The following KCNQ1 variants were observed in gnomAD, a reference collection of about 807,000 sequenced individuals.
The protein encoded by KCNQ1 is potassium voltage-gated channel subfamily Q member 1.
Under a neutral mutation model 72.4 loss-of-function variants are expected in KCNQ1, and 49 were observed. That is an observed-to-expected ratio of 0.68 (90% CI 0.54 to 0.86). The LOEUF is 0.86. Ranked by LOEUF, KCNQ1 falls within the 40% of genes least tolerant of loss-of-function variation. The probability of loss-of-function intolerance (pLI) is 0.00; values close to 1 mark genes in which losing one functional copy is unlikely to be tolerated. For missense variants in KCNQ1, 790 were observed against 945.1 expected, an observed-to-expected ratio of 0.84 and a Z score of 2.15; for synonymous variants, 450 against 412.6, an observed-to-expected ratio of 1.09 and a Z score of -1.10.
Position 2,478,678 on chromosome 11 carries a change from G to A in KCNQ1, c.386+33194G>A, listed in dbSNP as rs1846609466. Reference sequence around the variant, plus strand: ...CAATTCACGATGAGATTTGGGTGGGGACACAGCCAAACCATATCATTCCAC... The same window carrying A: ...CAATTCACGATGAGATTTGGGTGGGAACACAGCCAAACCATATCATTCCAC... On this transcript the variant is annotated intron_variant, in intron 1 of 15. Transcript: ENST00000155840. The surrounding 1 kb of genome is among the most constrained non-coding windows in gnomAD (Gnocchi z 4.0). Among the ~76,000 whole-genome samples the A allele has an allele frequency of 6.6e-6, 1 of 152,106 alleles. No individual in the cohort carries two copies. Among genetic ancestry groups the A allele is most frequent in the African/African-American group, 2.4e-5 (1 of 41,404 alleles).
intron 11 of KCNQ1, chr11:2,680,877 A>G (rs1850385133): frequency 2.5e-6 from 1 of 398,394 alleles, no homozygotes; most frequent in African/African-American, 2.1e-5. Flanking sequence ...AGATTCACCC[A>G]GGTTATTGTG....
intron 2 of KCNQ1, among the ~76,000 whole-genome samples, chr11:2,556,494 A>C (rs747560456): frequency 4.6e-5 from 7 of 152,152 alleles, no homozygotes; most frequent in African/African-American, 9.7e-5. Flanking sequence ...GCTTGTGAAC[A>C]TCTCATCTCT....
intron 15 of KCNQ1, among the ~76,000 whole-genome samples, chr11:2,820,598 C>T (rs1376374781): frequency 6.6e-6 from 1 of 150,738 alleles, no homozygotes; most frequent in Admixed American, 6.7e-5. Context: ...TTGTTAGTTT[C>T]ACCCACTGTG....
Position 2,567,504 on chromosome 11 carries a change from G to T in KCNQ1, c.478-3124G>T, listed in dbSNP as rs560807951. 6.6e-6 allele frequency among the ~76,000 whole-genome samples: 1 copy of T among 152,208 alleles called. No homozygotes were observed. Among genetic ancestry groups the T allele is most frequent in the Admixed American group, 6.5e-5 (1 of 15,288 alleles). On this transcript the variant is annotated intron_variant, in intron 2 of 15. Coordinates refer to ENST00000155840, the MANE Select transcript of KCNQ1 (RefSeq NM_000218.3). This position sits in a 1 kb window ranked among gnomAD's most constrained non-coding sequence, Gnocchi z 6.6. ...TCTTGCTGTGGCCTTGGCCCTGGGTGTTGTCCCACACAGCCCAGGAGAGCG... is the reference window on the plus strand; with the variant it reads ...TCTTGCTGTGGCCTTGGCCCTGGGTTTTGTCCCACACAGCCCAGGAGAGCG...
chr11:2,470,993 G>A (rs1846443070), intron 1 of KCNQ1, among the ~76,000 whole-genome samples: 1 of 152,050 alleles, frequency 6.6e-6, no homozygotes, highest in Non-Finnish European at 1.5e-5. Flanking sequence ...TATTCCTTTT[G>A]AGTTAATGTC....
intron 11 of KCNQ1, chr11:2,680,858 A>G (rs1225515408): frequency 2.5e-6 from 1 of 398,424 alleles, no homozygotes; most frequent in Non-Finnish European, 4.4e-6. Flanking sequence ...ACTCAGCACA[A>G]TTCCCTGAAG....
At chr11:2,646,019 C>T (rs934566712) in intron 10 of KCNQ1, 11 of 398,514 alleles carry the variant, frequency 2.8e-5, no homozygotes, top group African/African-American at 2.3e-4. Context: ...TAGGGGCTCA[C>T]TTACTTACCT....
chr11:2,814,831 C>T (rs937179413), intron 15 of KCNQ1, among the ~76,000 whole-genome samples: 1 of 152,206 alleles, frequency 6.6e-6, no homozygotes, highest in African/African-American at 2.4e-5. Context: ...TGCTGTCCTA[C>T]CAAGGCCTAG....
chr11:2,610,944 T>A (rs72850206), intron 10 of KCNQ1: 26,551 of 398,370 alleles, frequency 0.067, 1,030 homozygotes, highest in South Asian at 0.12. Context: ...GAATAATTGA[T>A]AGAACAACAA....
chr11:2,669,443 C>A lies in KCNQ1; in HGVS notation c.1514+7362C>A. On this transcript the variant is annotated intron_variant, in intron 11 of 15. Coordinates refer to ENST00000155840, the MANE Select transcript of KCNQ1 (RefSeq NM_000218.3). The surrounding 1 kb of genome is among the most constrained non-coding windows in gnomAD (Gnocchi z 5.6). Reference sequence around the variant, plus strand: ...TTTAGGTTGACTTTCATATCTTTTACCTTGCCCTGTAGTTTTCAGTGTGGT... The same window carrying A: ...TTTAGGTTGACTTTCATATCTTTTAACTTGCCCTGTAGTTTTCAGTGTGGT... 2.5e-6 allele frequency: 1 copy of A among 398,626 alleles called. No individual in the cohort carries two copies. The highest frequency in any genetic ancestry group is 4.4e-6 in the Non-Finnish European group (1 of 226,074). 24.7% of individuals were successfully genotyped at this position (398,626 alleles called of 1,614,324 possible).
Position 2,565,376 on chromosome 11 carries a change from A to T in KCNQ1, c.478-5252A>T, listed in dbSNP as rs949056053. Among the ~76,000 whole-genome samples, 10 of 152,114 alleles carry T rather than the reference A, an allele frequency of 6.6e-5. No individual in the cohort carries two copies. The highest frequency in any genetic ancestry group is 2.0e-4 in the Admixed American group (3 of 15,280). ...TTGCATTTCCCTGATGATTAGTGAC[A>T]CTGGGCACCTCTCCGTGTGCCTCTT... On this transcript the variant is annotated intron_variant, in intron 2 of 15. Coordinates refer to ENST00000155840, the MANE Select transcript of KCNQ1 (RefSeq NM_000218.3). The surrounding 1 kb of genome is among the most constrained non-coding windows in gnomAD (Gnocchi z 5.6).
chr11:2,610,964 TCAA>T (rs1362980414), intron 10 of KCNQ1: 9 of 398,182 alleles, frequency 2.3e-5, no homozygotes, highest in Admixed American at 4.4e-5. Flanking sequence ...AGACAGAAAA[TCAA>T]CAAGAGTTAG....
Position 2,737,345 on chromosome 11 carries a change from A to C in KCNQ1, c.1515-31499A>C, listed in dbSNP as rs1039306963. 2.4e-4 allele frequency among the ~76,000 whole-genome samples: 37 copies of C among 152,198 alleles called. 1 individual carries two copies. The highest frequency in any genetic ancestry group is 7.4e-5 in the Non-Finnish European group (5 of 68,026). On this transcript the variant is annotated intron_variant, in intron 11 of 15. Coordinates refer to ENST00000155840, the MANE Select transcript of KCNQ1 (RefSeq NM_000218.3). ...CACTGCCCAGCCACCTCTCTGTCCC[A>C]GGAAGCTGCTCTCCTGGGGCATGTG... is the stretch of plus-strand genomic sequence containing the variant.
chr11:2,460,860 G>T (rs1307471385), intron 1 of KCNQ1, among the ~76,000 whole-genome samples: 1 of 152,214 alleles, frequency 6.6e-6, no homozygotes. Context: ...CCCAGGCTGG[G>T]GCGTGACTGC....
chr11:2,471,701 T>C lies in KCNQ1; in HGVS notation c.386+26217T>C, dbSNP rs537400617. 5.9e-5 allele frequency among the ~76,000 whole-genome samples: 9 copies of C among 151,514 alleles called. No homozygotes were observed. In the East Asian group the frequency reaches 7.8e-4, roughly 13 times the overall value. On this transcript the variant is annotated intron_variant, in intron 1 of 15. Coordinates refer to ENST00000155840, the MANE Select transcript of KCNQ1 (RefSeq NM_000218.3). The surrounding 1 kb of genome is among the most constrained non-coding windows in gnomAD (Gnocchi z 4.8). ...ACATGTGTATGGGTGTGCATGTGTG[T>C]ATAGGTGTGTGTATGTGTGCATGGG...
intron 2 of KCNQ1, among the ~76,000 whole-genome samples, chr11:2,561,375 G>A (rs894814108): frequency 6.6e-6 from 1 of 152,172 alleles, no homozygotes; most frequent in Non-Finnish European, 1.5e-5. Flanking sequence ...TGCAGCATGA[G>A]AGTCTGTACC....
At chr11:2,453,940 T>G (rs1846148613) in intron 1 of KCNQ1, among the ~76,000 whole-genome samples, 1 of 152,204 alleles carries the variant, frequency 6.6e-6, no homozygotes, top group African/African-American at 2.4e-5. Flanking sequence ...CAGGATTTAT[T>G]TAATTATTTT....
At chr11:2,788,475 A>G (rs2134004822) in intron 15 of KCNQ1, among the ~76,000 whole-genome samples, 1 of 152,224 alleles carries the variant, frequency 6.6e-6, no homozygotes, top group South Asian at 2.1e-4. Flanking sequence ...TGCATCAGAA[A>G]GTTAGGCAGC....
chr11:2,679,699 A>G lies in KCNQ1; in HGVS notation c.1514+17618A>G, dbSNP rs1850355530. 1 of 398,420 alleles carries G rather than the reference A, an allele frequency of 2.5e-6. No individual in the cohort carries two copies. Among genetic ancestry groups the G allele is most frequent in the Admixed American group, 4.4e-5 (1 of 22,710 alleles). The allele number at this position is 398,420 out of a possible 1,614,324, so 24.7% of individuals were successfully genotyped here. A position where few individuals can be genotyped will look rare whatever the true frequency, so the allele number is the denominator to read the frequency against. ...GGATCCCAGATTAGATTTTTTTTAAATCAGCCGTTCTCTGTATTCTTGTCC... is the reference window on the plus strand; with the variant it reads ...GGATCCCAGATTAGATTTTTTTTAAGTCAGCCGTTCTCTGTATTCTTGTCC... On this transcript the variant is annotated intron_variant, in intron 11 of 15. Coordinates refer to ENST00000155840, the MANE Select transcript of KCNQ1 (RefSeq NM_000218.3). The surrounding 1 kb of genome is among the most constrained non-coding windows in gnomAD (Gnocchi z 4.8).
Sources: allele counts gnomAD v4.1 joint callset (sites outside exome capture counted in the v4.1 genomes callset), GRCh38; gene constraint gnomAD v4.1.1; non-coding constraint Gnocchi (gnomAD v3.1); transcripts MANE v1.5; gene names NCBI Gene and HGNC (gene_info 2026-07-23, HGNC 2026-07-21).